Variants in LSM14B observed in about 807,000 individuals in gnomAD.
The protein encoded by LSM14B is LSM family member 14B.
Under a neutral mutation model 42.1 loss-of-function variants are expected in LSM14B, and 8 were observed. The observed-to-expected ratio is 0.19, with a 90% CI of 0.11 to 0.34. LSM14B has a LOEUF of 0.34. LSM14B is among the 10% of genes least tolerant of loss of function. The pLI is 1.00. For missense variants in LSM14B, 396 were observed against 513.1 expected (o/e 0.77, Z 2.21); for synonymous variants, 219 against 209.7 (o/e 1.04, Z -0.38).
At chr20:62,131,900 T>G (rs1463705689) in intron 7 of LSM14B, among the ~76,000 whole-genome samples, 1 of 152,248 alleles carries the variant, frequency 6.6e-6, no homozygotes, top group Admixed American at 6.5e-5. Flanking sequence ...GTGCTCACAC[T>G]GGCTTTCCTT....
chr20:62,134,373 C>G lies in LSM14B; in HGVS notation c.*225C>G. ...TTCATGGGTAACCTCTTTGAGGTCT[C>G]TTTATCTGTGTTTCCTTTTTAGTTG... On this transcript the variant is annotated 3_prime_UTR_variant, in exon 9 of 9. Coordinates refer to ENST00000279068, the MANE Select transcript of LSM14B (RefSeq NM_144703.3). The G allele has an allele frequency of 2.2e-6, 1 of 463,392 alleles. No homozygotes were observed. The highest frequency in any genetic ancestry group is 1.6e-5 in the South Asian group (1 of 63,020). The allele number at this position is 463,392 out of a possible 1,614,324, so 28.7% of individuals were successfully genotyped here. A position where few individuals can be genotyped will look rare whatever the true frequency, so the allele number is the denominator to read the frequency against.
chr20:62,129,733 G>A, intron 3 of LSM14B, 52 bp from the exon 4 acceptor site: 1 of 1,517,202 alleles, frequency 6.6e-7, no homozygotes, highest in Non-Finnish European at 8.9e-7. Flanking sequence ...GGAGATATAA[G>A]GCTTGCTTCT....
chr20:62,133,588 A>G (rs1043126067), intron 8 of LSM14B, 113 bp downstream of exon 8: 41 of 1,294,242 alleles, frequency 3.2e-5, no homozygotes, highest in Non-Finnish European at 3.6e-5. Flanking sequence ...AGAGAGGCCC[A>G]GAGGTGTCAA....
intron 3 of LSM14B, among the ~76,000 whole-genome samples, chr20:62,128,693 A>T (rs1484051065): frequency 6.6e-6 from 1 of 152,176 alleles, no homozygotes; most frequent in East Asian, 1.9e-4. Flanking sequence ...ATGCTGAGTG[A>T]GACAATCAGT....
intron 3 of LSM14B, chr20:62,128,081 C>T (rs2056656232): frequency 1.9e-6 from 1 of 513,350 alleles, no homozygotes; most frequent in South Asian, 2.1e-5. Context: ...CTGTTTTGCT[C>T]TTTGATCCGT....
chr20:62,134,032 T>C (rs6061438), intron 8 of LSM14B, 131 bp from the exon 9 acceptor site: 335,817 of 351,810 alleles, frequency 0.95, 161,900 homozygotes, highest in Non-Finnish European at 1. Context: ...TCAGAGTGGG[T>C]TGTGAGAAGA....
chr20:62,133,082 G>A (rs541600371), intron 7 of LSM14B, among the ~76,000 whole-genome samples: 5 of 152,256 alleles, frequency 3.3e-5, no homozygotes, highest in African/African-American at 4.8e-5. Context: ...CCCGATCCCC[G>A]GCCCACTGTG....
intron 7 of LSM14B, among the ~76,000 whole-genome samples, chr20:62,132,101 A>G (rs1045554825): frequency 1.3e-5 from 2 of 152,236 alleles, no homozygotes; most frequent in Admixed American, 6.5e-5. Context: ...GGGGCCTCAG[A>G]AGGCAGGCTG....
At position 62,131,345 on chromosome 20, in the gene LSM14B, T is replaced by G. The variant is rs746556226; in HGVS notation, c.836-11T>G. The stretch of plus-strand genomic sequence containing the variant: ...CTCCTCCATCTCCACGTGTTCTGCT[T>G]CTTTTTGTAGATGACAAGGCTGAGA... On this transcript the variant is annotated splice_polypyrimidine_tract_variant and intron_variant, in intron 6 of 8. Coordinates refer to ENST00000279068, the MANE Select transcript of LSM14B (RefSeq NM_144703.3). 5.9e-5 allele frequency: 94 copies of G among 1,581,838 alleles called. 1 individual carries two copies. The highest frequency in any genetic ancestry group is 3.4e-4 in the Admixed American group (19 of 56,624).
chr20:62,122,819 C>A lies in LSM14B; in HGVS notation c.127+26C>A, dbSNP rs1568699217. The A allele has an allele frequency of 1.9e-5, 28 of 1,470,770 alleles. No homozygotes were observed. Among genetic ancestry groups the A allele is most frequent in the Non-Finnish European group, 2.5e-5 (27 of 1,099,498 alleles). 91.1% of individuals were successfully genotyped at this position (1,470,770 alleles called of 1,614,324 possible). A position where few individuals can be genotyped will look rare whatever the true frequency, so the allele number is the denominator to read the frequency against. The stretch of plus-strand genomic sequence containing the variant: ...GTAGCGGCCGCCGCCCGCCCGAGCC[C>A]GCTGACCCCCGTCCGCCAACAGCCC... On this transcript the variant is annotated intron_variant, in intron 1 of 8. Coordinates refer to ENST00000279068, the MANE Select transcript of LSM14B (RefSeq NM_144703.3). This position sits in a 1 kb window ranked among gnomAD's most constrained non-coding sequence, Gnocchi z 4.6.
At position 62,124,637 on chromosome 20, in the gene LSM14B, G is replaced by A. The variant is rs1480269068; in HGVS notation, c.148G>A (p.Asp50Asn). 3 of 1,613,714 alleles carry A rather than the reference G, an allele frequency of 1.9e-6. No homozygotes were observed. In the African/African-American group the frequency reaches 4.0e-5, roughly 22 times the overall value. ...LAKVRSFGTEDRPTDRPAPPR... is the reference protein window; with the variant it reads ...LAKVRSFGTENRPTDRPAPPR... ...ATAAGTGAGGTCCTTTGGCACTGAA[G>A]ACCGTCCCACAGATAGGCCTGCGCC... Residue 50 changes from aspartate to asparagine, a missense_variant, in exon 2 of 9, where the codon GAC (aspartate) becomes AAC (asparagine). Asp to Asn is a conservative substitution (Grantham distance 23). Coordinates refer to ENST00000279068, the MANE Select transcript of LSM14B (RefSeq NM_144703.3).
At chr20:62,129,118 T>C (rs2056690328) in intron 3 of LSM14B, 1 of 753,290 alleles carries the variant, frequency 1.3e-6, no homozygotes, top group Admixed American at 2.7e-5. Context: ...CGGACTGCAG[T>C]TTCATAGGCA....
Position 62,130,700 on chromosome 20 carries a change from C to T in LSM14B, c.835+9C>T, listed in dbSNP as rs781375514. The T allele has an allele frequency of 2.5e-6, 4 of 1,612,148 alleles. No homozygotes were observed. Among genetic ancestry groups the T allele is most frequent in the Non-Finnish European group, 3.4e-6 (4 of 1,179,516 alleles). ...GAAACTGAATTTTAAAGGTTTGGCT[C>T]ATTATATGAAAATTATTCTCTGCAC... is the stretch of plus-strand genomic sequence containing the variant. On this transcript the variant is annotated intron_variant, in intron 6 of 8. Transcript: ENST00000279068. The surrounding 1 kb of genome is among the most constrained non-coding windows in gnomAD (Gnocchi z 4.1).
At position 62,131,366 on chromosome 20, in the gene LSM14B, T is replaced by C. The variant is rs773096699; in HGVS notation, c.846T>C (p.Ala282=). The change falls in exon 7 of 9, where the codon GCT becomes GCC. Residue 282 remains alanine, a synonymous_variant. Transcript: ENST00000279068. ...KKKLNFKDDK[A]EKGEEKDLAV... ...TGCTTCTTTTTGTAGATGACAAGGC[T>C]GAGAAGGGGGAAGAGAAGGACCTGG... The C allele has an allele frequency of 2.5e-6, 4 of 1,600,394 alleles. No individual in the cohort carries two copies. The African/African-American group carries it at 4.0e-5, about 16-fold the overall frequency.
At position 62,128,017 on chromosome 20, in the gene LSM14B, C is replaced by G; in HGVS notation, c.427+1578C>G. On this transcript the variant is annotated intron_variant, in intron 3 of 8. Coordinates refer to ENST00000279068, the MANE Select transcript of LSM14B (RefSeq NM_144703.3). The stretch of plus-strand genomic sequence containing the variant: ...CATTTCCCTGGGGTTTTTGCTGGGT[C>G]CTAAATGTGTTCCAGAGTGCTGCAG... 5 of 601,086 alleles carry G rather than the reference C, an allele frequency of 8.3e-6. No homozygotes were observed. In the South Asian group the frequency reaches 9.8e-5, roughly 12 times the overall value. 37.2% of individuals were successfully genotyped at this position (601,086 alleles called of 1,614,324 possible).
At chr20:62,123,757 A>T (rs755161685) in intron 1 of LSM14B, among the ~76,000 whole-genome samples, 2 of 152,210 alleles carry the variant, frequency 1.3e-5, no homozygotes, top group Non-Finnish European at 2.9e-5. Flanking sequence ...AGGGAACTTC[A>T]TGTGTAGAAG....
intron 1 of LSM14B, chr20:62,123,053 G>C (rs1346253625): frequency 5.2e-6 from 1 of 193,030 alleles, no homozygotes; most frequent in African/African-American, 2.4e-5. Context: ...CGGCGGGATT[G>C]TGCGCGGGCG....
chr20:62,131,770 C>T (rs2056772515), intron 7 of LSM14B, among the ~76,000 whole-genome samples: 1 of 152,208 alleles, frequency 6.6e-6, no homozygotes, highest in South Asian at 2.1e-4. Context: ...GGCTGGGCTG[C>T]ACCGCCCCCC....
intron 7 of LSM14B, 26 bp from the exon 8 acceptor site, chr20:62,133,264 C>T: frequency 6.2e-7 from 1 of 1,610,234 alleles, no homozygotes; most frequent in Non-Finnish European, 8.5e-7. Context: ...GTGCCTGCTA[C>T]AATCAGCATT....
Sources: gnomAD v4.1 joint callset for allele counts (sites outside exome capture counted in the v4.1 genomes callset) on GRCh38, gnomAD v4.1.1 for gene constraint, Gnocchi (gnomAD v3.1) non-coding constraint, MANE v1.5 for transcripts, NCBI Gene and HGNC (gene_info 2026-07-23, HGNC 2026-07-21) for gene names.